The following RNF39 variants were observed in gnomAD, a reference collection of about 807,000 sequenced individuals.
RNF39 encodes LTP (long-term potentiation) induced RING finger protein.
RNF39 carries 25 observed loss-of-function variants against 29.2 expected under a neutral mutation model. The observed-to-expected ratio is 0.86, with a 90% confidence interval of 0.62 to 1.20. The LOEUF is 1.20. Among genes scored for constraint, RNF39 ranks in the 50% most tolerant of loss-of-function variants. The probability of loss-of-function intolerance (pLI) is 0.00; values close to 1 mark genes in which losing one functional copy is unlikely to be tolerated. For synonymous variants in RNF39, 219 were observed against 229.0 expected (o/e 0.96, Z 0.40); for missense variants, 519 against 515.0 (o/e 1.01, Z -0.08).
At position 30,075,285 on chromosome 6, in the gene RNF39, G is replaced by C. The variant is rs746308698; in HGVS notation, c.301C>G (p.Arg101Gly). The change falls in exon 1 of 4, where the codon CGT (arginine) becomes GGT (glycine). Residue 101 changes from arginine (R) to glycine (G), a missense_variant. Physicochemically the swap from Arg to Gly is moderately radical, Grantham distance 125 (BLOSUM62 -2). Coordinates refer to ENST00000244360, the MANE Select transcript of RNF39 (RefSeq NM_025236.4). Reference protein sequence around the residue: ...LREKLAEPGARAGRRRGGRIP... With the variant: ...LREKLAEPGAGAGRRRGGRIP... ...CGCCCCCCTCGGCGTCTCCCCGCACGGGCCCCAGGCTCAGCCAGCTTCTCT... is the reference window on the plus strand; with the variant it reads ...CGCCCCCCTCGGCGTCTCCCCGCACCGGCCCCAGGCTCAGCCAGCTTCTCT... The C allele has an allele frequency of 5.6e-6, 9 of 1,598,898 alleles. No homozygotes were observed. Among genetic ancestry groups the C allele is most frequent in the East Asian group, 4.5e-5 (2 of 44,428 alleles).
chr6:30,071,257 G>C lies in RNF39; in HGVS notation c.913C>G (p.Arg305Gly), dbSNP rs139005614. The C allele has an allele frequency of 5.0e-3, 7,630 of 1,511,712 alleles. 38 individuals carry two copies. The highest frequency in any genetic ancestry group is 0.019 in the South Asian group (1,381 of 73,906). The allele number at this position is 1,511,712 out of a possible 1,614,324, so 93.6% of individuals were successfully genotyped here. A position where few individuals can be genotyped will look rare whatever the true frequency, so the allele number is the denominator to read the frequency against. The change falls in exon 4 of 4, where the codon CGG becomes GGG. Residue 305 changes from arginine (R) to glycine (G), a missense_variant. By Grantham distance (125) the Arg-to-Gly change is moderately radical. Transcript: ENST00000244360. This position sits in a 1 kb window ranked among gnomAD's most constrained non-coding sequence, Gnocchi z 5.0. ...RRIRVDLDWE[R>G]GRVAFYDGRS... ...CCGTCGTAGAAGGCCACGCGGCCCC[G>C]CTCCCAGTCCAGGTCCACGCGAATG...
rs1376253948 is a variant in RNF39 at position 30,070,825 on chromosome 6, C to T, written c.*286G>A. 1 of 662,306 alleles carries T rather than the reference C, an allele frequency of 1.5e-6. No homozygotes were observed. The highest frequency in any genetic ancestry group is 2.8e-6 in the Non-Finnish European group (1 of 359,452). The allele number at this position is 662,306 out of a possible 1,614,324, so 41.0% of individuals were successfully genotyped here. ...GATGGGGAGGGCCTGTTCCCCATTG[C>T]AGGCCTAGAATGGTTTGAATGGGAG... On this transcript the variant is annotated 3_prime_UTR_variant, in exon 4 of 4. Transcript: ENST00000244360.
rs1350735163 is a variant in RNF39 at position 30,070,694 on chromosome 6, T to TG, written c.*416dup. The stretch of plus-strand genomic sequence containing the variant: ...CAGGGTAGCCCAGTCCTTAGATCTG[T>TG]GGGGAAGGCCCTGAGCCCTTCTGGA... On this transcript the variant is annotated 3_prime_UTR_variant, in exon 4 of 4. Coordinates refer to ENST00000244360, the MANE Select transcript of RNF39 (RefSeq NM_025236.4). 4.9e-6 allele frequency: 2 copies of TG among 404,986 alleles called. No homozygotes were observed. The highest frequency in any genetic ancestry group is 4.1e-5 in the African/African-American group (2 of 48,586). 25.1% of individuals were successfully genotyped at this position (404,986 alleles called of 1,614,324 possible). A position where few individuals can be genotyped will look rare whatever the true frequency, so the allele number is the denominator to read the frequency against.
chr6:30,071,381 C>T lies in RNF39; in HGVS notation c.789G>A (p.Ala263=), dbSNP rs778389967. 1.4e-6 allele frequency: 2 copies of T among 1,471,526 alleles called. No individual in the cohort carries two copies. The highest frequency in any genetic ancestry group is 8.9e-7 in the Non-Finnish European group (1 of 1,120,372). 91.2% of individuals were successfully genotyped at this position (1,471,526 alleles called of 1,614,324 possible). A position where few individuals can be genotyped will look rare whatever the true frequency, so the allele number is the denominator to read the frequency against. Residue 263 remains alanine (A), a synonymous_variant, in exon 4 of 4, where the codon GCG becomes GCA. Coordinates refer to ENST00000244360, the MANE Select transcript of RNF39 (RefSeq NM_025236.4). This position sits in a 1 kb window ranked among gnomAD's most constrained non-coding sequence, Gnocchi z 5.0. ...QRKGCVRLCP[A]GAVWAVEGRG... Reference sequence around the variant, plus strand: ...GGCCCTCCACGGCCCACACGGCCCCCGCAGGGCACAGCCTTACGCAGCCCT... The same window carrying T: ...GGCCCTCCACGGCCCACACGGCCCCTGCAGGGCACAGCCTTACGCAGCCCT...
rs1766290249 is a variant in RNF39, at chr6:30,074,966, C to A, written c.363+257G>T. ...CTCTGCCTCCCCAGTCTCTTCTCTC[C>A]AGCCCCTCTCACAAGGCTCAGGCAT... On this transcript the variant is annotated intron_variant, in intron 1 of 3. Coordinates refer to ENST00000244360, the MANE Select transcript of RNF39 (RefSeq NM_025236.4). This position sits in a 1 kb window ranked among gnomAD's most constrained non-coding sequence, Gnocchi z 4.1. Among the ~76,000 whole-genome samples the A allele has an allele frequency of 6.6e-6, 1 of 152,174 alleles. No individual in the cohort carries two copies. Among genetic ancestry groups the A allele is most frequent in the Non-Finnish European group, 1.5e-5 (1 of 68,032 alleles).
intron 1 of RNF39, among the ~76,000 whole-genome samples, chr6:30,073,787 T>C (rs1766186230): frequency 1.3e-5 from 2 of 152,098 alleles, no homozygotes; most frequent in South Asian, 4.1e-4. Context: ...CGTCCGTGAC[T>C]GTTTCTTGTC....
At position 30,072,582 on chromosome 6, in the gene RNF39, G is replaced by A. The variant is rs1766075670; in HGVS notation, c.478+575C>T. On this transcript the variant is annotated intron_variant, in intron 3 of 3. Coordinates refer to ENST00000244360, the MANE Select transcript of RNF39 (RefSeq NM_025236.4). The surrounding 1 kb of genome is among the most constrained non-coding windows in gnomAD (Gnocchi z 4.5). ...TCAGGGATCTGTTGTTTGAATGTAT[G>A]AAAAAGGAAGAGGGAAAATGGCTGG... Among the ~76,000 whole-genome samples, 1 of 152,082 alleles carries A rather than the reference G, an allele frequency of 6.6e-6. No individual in the cohort carries two copies. The highest frequency in any genetic ancestry group is 2.4e-5 in the African/African-American group (1 of 41,402).
intron 1 of RNF39, 73 bp from the exon 2 acceptor site, chr6:30,073,551 CCCT>C: frequency 6.4e-7 from 1 of 1,551,644 alleles, no homozygotes; most frequent in African/African-American, 1.4e-5. Context: ...CCTATCTCTC[CCCT>C]CCTCAGGTGA....
chr6:30,070,764 C>T lies in RNF39; in HGVS notation c.*347G>A. ...GGAGTCAAGTATTTGACCAGCAGAG[C>T]CTCTATGTAGGAATCATGGTCACTT... On this transcript the variant is annotated 3_prime_UTR_variant, in exon 4 of 4. Transcript: ENST00000244360. 1 of 539,800 alleles carries T rather than the reference C, an allele frequency of 1.9e-6. No homozygotes were observed. Among genetic ancestry groups the T allele is most frequent in the South Asian group, 1.5e-5 (1 of 65,146 alleles). The allele number at this position is 539,800 out of a possible 1,614,324, so 33.4% of individuals were successfully genotyped here. A position where few individuals can be genotyped will look rare whatever the true frequency, so the allele number is the denominator to read the frequency against.
chr6:30,075,100 C>T, intron 1 of RNF39, 123 bp downstream of exon 1: 1 of 1,064,764 alleles, frequency 9.4e-7, no homozygotes, highest in Non-Finnish European at 1.3e-6. Flanking sequence ...CTTTGCTTTT[C>T]TCTCCCCACC....
chr6:30,071,292 G>A lies in RNF39; in HGVS notation c.878C>T (p.Pro293Leu), dbSNP rs911397745. The A allele has an allele frequency of 3.3e-6, 5 of 1,501,152 alleles. No individual in the cohort carries two copies. The highest frequency in any genetic ancestry group is 4.4e-6 in the Non-Finnish European group (5 of 1,128,460). 93.0% of individuals were successfully genotyped at this position (1,501,152 alleles called of 1,614,324 possible). ...CAGGTCCACGCGAATGCGCCGCGGC[G>A]GGGGCTCAACACCGCCCAGCAGGGT... The part of the protein sequence containing the change: ...EPTLLGGVEP[P>L]PRRIRVDLDW... The change falls in exon 4 of 4, where the codon CCG becomes CTG. Residue 293 changes from proline to leucine, a missense_variant. By Grantham distance (98) the Pro-to-Leu change is moderately conservative (BLOSUM62 -3). Transcript: ENST00000244360. This position sits in a 1 kb window ranked among gnomAD's most constrained non-coding sequence, Gnocchi z 5.0.
rs9261304 is a variant in RNF39 at position 30,075,394 on chromosome 6, G to C, written c.192C>G (p.Pro64=). ...GGCGGGGACACGGCAGGCCGCAGCAGGGACAGGCGGTGGGGGAAGCCTCGG... is the reference window on the plus strand; with the variant it reads ...GGCGGGGACACGGCAGGCCGCAGCACGGACAGGCGGTGGGGGAAGCCTCGG... ...TGTEASPTAC[P]CCGLPCPRRS... The change falls in exon 1 of 4, where the codon CCC becomes CCG. Residue 64 remains proline, a synonymous_variant. Transcript: ENST00000244360. 0.05 allele frequency: 77,568 copies of C among 1,565,468 alleles called. 2,368 individuals carry two copies. Among genetic ancestry groups the C allele is most frequent in the East Asian group, 0.071 (3,019 of 42,402 alleles).
chr6:30,071,269 G>C lies in RNF39; in HGVS notation c.901C>G (p.Leu301Val). Residue 301 changes from leucine (L) to valine (V), a missense_variant, in exon 4 of 4, where the codon CTG (leucine) becomes GTG (valine). Physicochemically the swap from Leu to Val is conservative, Grantham distance 32. Transcript: ENST00000244360. This position sits in a 1 kb window ranked among gnomAD's most constrained non-coding sequence, Gnocchi z 5.0. ...EPPPRRIRVD[L>V]DWERGRVAFY... ...GCCACGCGGCCCCGCTCCCAGTCCA[G>C]GTCCACGCGAATGCGCCGCGGCGGG... is the stretch of plus-strand genomic sequence containing the variant. 2 of 1,508,076 alleles carry C rather than the reference G, an allele frequency of 1.3e-6. No homozygotes were observed. Among genetic ancestry groups the C allele is most frequent in the Non-Finnish European group, 1.8e-6 (2 of 1,131,016 alleles). 93.4% of individuals were successfully genotyped at this position (1,508,076 alleles called of 1,614,324 possible). A position where few individuals can be genotyped will look rare whatever the true frequency, so the allele number is the denominator to read the frequency against.
Position 30,072,719 on chromosome 6 carries a change from G to A in RNF39, c.478+438C>T, listed in dbSNP as rs1766089478. Among the ~76,000 whole-genome samples the A allele has an allele frequency of 1.3e-5, 2 of 152,166 alleles. No homozygotes were observed. The highest frequency in any genetic ancestry group is 1.5e-5 in the Non-Finnish European group (1 of 68,016). On this transcript the variant is annotated intron_variant, in intron 3 of 3. Transcript: ENST00000244360. The surrounding 1 kb of genome is among the most constrained non-coding windows in gnomAD (Gnocchi z 4.5). ...CCTCCAAACCTCAGAATGTTACCTT[G>A]TTTTGAAACAGGATCTTTACATAGG...
At position 30,075,303 on chromosome 6, in the gene RNF39, G is replaced by A; in HGVS notation, c.283C>T (p.Leu95=). The A allele has an allele frequency of 1.9e-6, 3 of 1,598,240 alleles. No homozygotes were observed. The highest frequency in any genetic ancestry group is 2.6e-6 in the Non-Finnish European group (3 of 1,174,938). The part of the protein sequence containing the change: ...VRISRELREK[L]AEPGARAGRR... ...CCCGCACGGGCCCCAGGCTCAGCCA[G>A]CTTCTCTCGCAGCTCGCGGCTGATT... The change falls in exon 1 of 4, where the codon CTG becomes TTG. Residue 95 remains leucine, a synonymous_variant. Coordinates refer to ENST00000244360, the MANE Select transcript of RNF39 (RefSeq NM_025236.4).
chr6:30,071,505 G>A lies in RNF39; in HGVS notation c.665C>T (p.Thr222Ile). Residue 222 changes from threonine (T) to isoleucine (I), a missense_variant, in exon 4 of 4, where the codon ACT (threonine) becomes ATT (isoleucine). Transcript: ENST00000244360. This position sits in a 1 kb window ranked among gnomAD's most constrained non-coding sequence, Gnocchi z 5.0. The part of the protein sequence containing the change: ...GAGRHCWEVE[T>I]ADAASCRDSS... ...GTCTCTGCAGGAGGCGGCGTCCGCA[G>A]TCTCCACCTCCCAGCAGTGGCGGCC... The A allele has an allele frequency of 6.5e-7, 1 of 1,549,324 alleles. No homozygotes were observed. The highest frequency in any genetic ancestry group is 8.7e-7 in the Non-Finnish European group (1 of 1,151,742).
Position 30,071,736 on chromosome 6 carries a change from T to A in RNF39, c.479-45A>T. ...GAGAGGACCTCATGAGAGAGTTTTC[T>A]AAATCACAGGCGGGGTAGGGTGGAG... On this transcript the variant is annotated intron_variant, in intron 3 of 3. Coordinates refer to ENST00000244360, the MANE Select transcript of RNF39 (RefSeq NM_025236.4). The surrounding 1 kb of genome is among the most constrained non-coding windows in gnomAD (Gnocchi z 5.0). 3 of 1,359,190 alleles carry A rather than the reference T, an allele frequency of 2.2e-6. No homozygotes were observed. The highest frequency in any genetic ancestry group is 2.9e-6 in the Non-Finnish European group (3 of 1,049,362). 84.2% of individuals were successfully genotyped at this position (1,359,190 alleles called of 1,614,324 possible).
chr6:30,075,165 G>C, intron 1 of RNF39, 58 bp downstream of exon 1: 1 of 1,487,344 alleles, frequency 6.7e-7, no homozygotes, highest in Non-Finnish European at 8.9e-7. Context: ...GCCATTCCCG[G>C]CTTCCCCGGG....
At position 30,074,432 on chromosome 6, in the gene RNF39, G is replaced by T. The variant is rs1264714; in HGVS notation, c.363+791C>A. ...GAGCCGGGGCCCAGGAGAGGCGCGGGGGGTAGATGGGTGGTAAGACTGGGA... is the reference window on the plus strand; with the variant it reads ...GAGCCGGGGCCCAGGAGAGGCGCGGTGGGTAGATGGGTGGTAAGACTGGGA... On this transcript the variant is annotated intron_variant, in intron 1 of 3. Coordinates refer to ENST00000244360, the MANE Select transcript of RNF39 (RefSeq NM_025236.4). The surrounding 1 kb of genome is among the most constrained non-coding windows in gnomAD (Gnocchi z 4.1). Among the ~76,000 whole-genome samples the T allele has an allele frequency of 0.12, 18,975 of 152,064 alleles. 1,376 individuals are homozygous for T. Among genetic ancestry groups the T allele is most frequent in the Non-Finnish European group, 0.17 (11,586 of 67,944 alleles).
Sources: gnomAD v4.1 joint callset for allele counts (sites outside exome capture counted in the v4.1 genomes callset) on GRCh38, gnomAD v4.1.1 for gene constraint, Gnocchi (gnomAD v3.1) non-coding constraint, MANE v1.5 for transcripts, NCBI Gene and HGNC (gene_info 2026-07-23, HGNC 2026-07-21) for gene names.